CAPN3: variants seen among roughly 807,000 people sequenced by gnomAD.
The protein encoded by CAPN3 is calpain 3, also known as calpain-3.
A neutral mutation model predicts 114.0 loss-of-function variants in CAPN3; 88 were observed. The ratio of observed to expected loss-of-function variants is 0.77; its 90% confidence interval spans 0.65 to 0.92. The LOEUF (loss-of-function observed/expected upper bound fraction) is 0.92, where lower values mean the gene tolerates loss of function less well. Among genes scored for constraint, CAPN3 ranks in the 40% least tolerant of loss-of-function variants. The pLI is 0.00. For synonymous variants in CAPN3, 386 were observed against 382.9 expected, an observed-to-expected ratio of 1.01 and a Z score of -0.09; for missense variants, 1,028 against 1,069.0, an observed-to-expected ratio of 0.96 and a Z score of 0.53.
intron 10 of CAPN3, among the ~76,000 whole-genome samples, 156 bp from the exon 11 acceptor site, chr15:42,401,485 C>A (rs28364482): frequency 5.5e-5 from 7 of 127,036 alleles, no homozygotes; most frequent in South Asian, 3.1e-4. Flanking sequence ...CCCCCCCCCC[C>A]CCAAATCATT....
intron 7 of CAPN3, 102 bp from the exon 8 acceptor site, chr15:42,394,154 G>T (rs887927358): frequency 2.8e-6 from 3 of 1,066,966 alleles, no homozygotes; most frequent in Non-Finnish European, 4.3e-6. Flanking sequence ...ACACCCTCGC[G>T]TAAGAGATTT....
intron 2 of CAPN3, among the ~76,000 whole-genome samples, chr15:42,384,799 G>C (rs1338196218): frequency 2.0e-5 from 3 of 152,128 alleles, no homozygotes; most frequent in Non-Finnish European, 4.4e-5. Context: ...CTCCTCTCCA[G>C]TATCTCAAGG....
chr15:42,375,837 T>G (rs989664363), intron 1 of CAPN3, among the ~76,000 whole-genome samples: 1 of 152,182 alleles, frequency 6.6e-6, no homozygotes, highest in Non-Finnish European at 1.5e-5. Context: ...GTCCATACTT[T>G]TCCTTAGTTT....
chr15:42,403,192 G>A (rs1205294968), intron 13 of CAPN3, among the ~76,000 whole-genome samples, 190 bp downstream of exon 13: 1 of 152,176 alleles, frequency 6.6e-6, no homozygotes, highest in Non-Finnish European at 1.5e-5. Flanking sequence ...CTATGTTCCA[G>A]GCACTGTCCT....
rs896077233 is a variant in CAPN3 at position 42,412,282 on chromosome 15, A to C, written c.*509A>C. ...CATAAGTTTGGCTGCATTTTGAAAA[A>C]AGCTGATCTAAATAAAGGCATGTGT... On this transcript the variant is annotated 3_prime_UTR_variant, in exon 24 of 24. Coordinates refer to ENST00000397163, the MANE Select transcript of CAPN3 (RefSeq NM_000070.3). 2.5e-5 allele frequency: 30 copies of C among 1,178,278 alleles called. No individual in the cohort carries two copies. Among genetic ancestry groups the C allele is most frequent in the Admixed American group, 6.6e-5 (3 of 45,342 alleles). The allele number at this position is 1,178,278 out of a possible 1,614,324, so 73.0% of individuals were successfully genotyped here.
Position 42,394,269 on chromosome 15 carries a change from G to A in CAPN3, c.1043G>A (p.Gly348Asp). Reference sequence around the variant, plus strand: ...TGTGTGCTTAAGGTCCCGTTCAAAGGTGAGAAAGTGAAGCTGGTGCGGCTG... The same window carrying A: ...TGTGTGCTTAAGGTCCCGTTCAAAGATGAGAAAGTGAAGCTGGTGCGGCTG... ...VTGLDEVPFKGEKVKLVRLRN... is the reference protein window; with the variant it reads ...VTGLDEVPFKDEKVKLVRLRN... The change falls in exon 8 of 24, where the codon GGT (glycine) becomes GAT (aspartate). Residue 348 changes from glycine (G) to aspartate (D), a missense_variant. Coordinates refer to ENST00000397163, the MANE Select transcript of CAPN3 (RefSeq NM_000070.3). 1 of 1,558,956 alleles carries A rather than the reference G, an allele frequency of 6.4e-7. No homozygotes were observed.
At chr15:42,363,312 G>A (rs186247197) in intron 1 of CAPN3, among the ~76,000 whole-genome samples, 98 of 152,266 alleles carry the variant, frequency 6.4e-4, no homozygotes, top group Non-Finnish European at 1.2e-4. Context: ...CTTCTCAACT[G>A]TTAAGGCAAG....
At chr15:42,401,278 T>A (rs1187144561) in intron 10 of CAPN3, among the ~76,000 whole-genome samples, 5 of 149,140 alleles carry the variant, frequency 3.4e-5, no homozygotes, top group Admixed American at 6.7e-5. Context: ...AAAGCAGAAG[T>A]AAGAAAGATT....
rs770352245 is a variant in CAPN3 at position 42,409,774 on chromosome 15, C to T, written c.1993-13C>T. The T allele has an allele frequency of 2.5e-6, 4 of 1,613,180 alleles. No homozygotes were observed. Among genetic ancestry groups the T allele is most frequent in the South Asian group, 1.1e-5 (1 of 91,062 alleles). On this transcript the variant is annotated splice_polypyrimidine_tract_variant and intron_variant, in intron 17 of 23. Transcript: ENST00000397163. ...ACTCCTGAACCATGACCCTCCTCTC[C>T]CTTCCTCCTCAGGACATGGAGATCT...
At position 42,392,369 on chromosome 15, in the gene CAPN3, T is replaced by C. The variant is rs1241051006; in HGVS notation, c.946-270T>C. 3.3e-5 allele frequency among the ~76,000 whole-genome samples: 5 copies of C among 152,162 alleles called. No individual in the cohort carries two copies. The South Asian group carries it at 6.2e-4, about 19-fold the overall frequency. On this transcript the variant is annotated intron_variant, in intron 6 of 23. Coordinates refer to ENST00000397163, the MANE Select transcript of CAPN3 (RefSeq NM_000070.3). ...GGTCCAGAAAGGAGGGGCAGGACAC[T>C]GTTACCCACCCCACATCCCAGCATC...
At chr15:42,393,713 C>A (rs2053618405) in intron 7 of CAPN3, among the ~76,000 whole-genome samples, 1 of 151,946 alleles carries the variant, frequency 6.6e-6, no homozygotes, top group African/African-American at 2.4e-5. Context: ...CCTGCCTCAG[C>A]CTCCTGAGTA....
intron 9 of CAPN3, among the ~76,000 whole-genome samples, chr15:42,397,548 G>T (rs28364473): frequency 0.069 from 10,423 of 151,796 alleles, 1,120 homozygotes; most frequent in African/African-American, 0.23. Flanking sequence ...GGAGGCTGAG[G>T]CAGGAGAATC....
At chr15:42,397,633 ACT>A (rs2053735902) in intron 9 of CAPN3, among the ~76,000 whole-genome samples, 1 of 147,668 alleles carries the variant, frequency 6.8e-6, no homozygotes, top group African/African-American at 2.6e-5. Context: ...GACAAGAGAG[ACT>A]CTGTCTTGGA....
At chr15:42,380,094 C>G (rs2053196651) in intron 1 of CAPN3, among the ~76,000 whole-genome samples, 1 of 152,112 alleles carries the variant, frequency 6.6e-6, no homozygotes, top group African/African-American at 2.4e-5. Context: ...GAGCGAAACT[C>G]TGTCTCAAAA....
chr15:42,412,238 TA>T lies in CAPN3; in HGVS notation c.*466del, dbSNP rs1481608876. Reference sequence around the variant, plus strand: ...ACTAACTCAGTGGAATAGGGCTGGTTACTTTGGGCTGTCCAACTCATAAGTT... The same window carrying T: ...ACTAACTCAGTGGAATAGGGCTGGTTCTTTGGGCTGTCCAACTCATAAGTT... On this transcript the variant is annotated 3_prime_UTR_variant, in exon 24 of 24. Coordinates refer to ENST00000397163, the MANE Select transcript of CAPN3 (RefSeq NM_000070.3). 1.3e-6 allele frequency: 2 copies of T among 1,499,986 alleles called. No homozygotes were observed. Among genetic ancestry groups the T allele is most frequent in the Non-Finnish European group, 1.8e-6 (2 of 1,116,544 alleles). The allele number at this position is 1,499,986 out of a possible 1,614,324, so 92.9% of individuals were successfully genotyped here.
At chr15:42,404,271 C>G (rs930419633) in intron 14 of CAPN3, 4 of 456,530 alleles carry the variant, frequency 8.8e-6, no homozygotes, top group Middle Eastern at 3.3e-4. Flanking sequence ...CCTTGCAAGG[C>G]TTTTGTGAGG....
At chr15:42,386,053 T>A in intron 2 of CAPN3, 114 bp from the exon 3 acceptor site, 1 of 787,606 alleles carries the variant, frequency 1.3e-6, no homozygotes, top group South Asian at 1.3e-5. Context: ...AGTAGGAGAG[T>A]GGGCACCAAG....
At chr15:42,395,780 T>C (rs1056522457) in intron 8 of CAPN3, among the ~76,000 whole-genome samples, 1 of 152,224 alleles carries the variant, frequency 6.6e-6, no homozygotes, top group Non-Finnish European at 1.5e-5. Context: ...CCTCCTGGTC[T>C]CAGGAATCTC....
Position 42,399,497 on chromosome 15 carries a change from C to T in CAPN3, c.1199C>T (p.Ser400Phe). 6.2e-7 allele frequency: 1 copy of T among 1,613,418 alleles called. No individual in the cohort carries two copies. Among genetic ancestry groups the T allele is most frequent in the Non-Finnish European group, 8.5e-7 (1 of 1,179,406 alleles). Residue 400 changes from serine to phenylalanine, a missense_variant, in exon 10 of 24, where the codon TCC becomes TTC. By Grantham distance (155) the Ser-to-Phe change is radical. Coordinates refer to ENST00000397163, the MANE Select transcript of CAPN3 (RefSeq NM_000070.3). ...QVTEDGEFWMSYEDFIYHFTK... is the reference protein window; with the variant it reads ...QVTEDGEFWMFYEDFIYHFTK... The stretch of plus-strand genomic sequence containing the variant: ...CTCTTCTTCCAACCTCTCAGGATGT[C>T]CTATGAGGATTTCATCTACCATTTC...
Sources: gnomAD v4.1 joint callset for allele counts (sites outside exome capture counted in the v4.1 genomes callset) on GRCh38, gnomAD v4.1.1 for gene constraint, MANE v1.5 for transcripts, NCBI Gene and HGNC (gene_info 2026-07-23, HGNC 2026-07-21) for gene names.